Variants in MIA observed in about 807,000 individuals in gnomAD.
The protein encoded by MIA is MIA SH3 domain containing.
A neutral mutation model predicts 18.5 loss-of-function variants in MIA; 18 were observed. That is an observed-to-expected ratio of 0.97 (90% CI 0.67 to 1.44). The LOEUF (loss-of-function observed/expected upper bound fraction) is 1.44. Among genes scored for constraint, MIA ranks in the 40% most tolerant of loss-of-function variants. MIA has a pLI of 0.00. For synonymous variants in MIA, 55 were observed against 64.9 expected, an observed-to-expected ratio of 0.85 and a Z score of 0.74; for missense variants, 158 against 172.4, an observed-to-expected ratio of 0.92 and a Z score of 0.47.
intron 2 of MIA, among the ~76,000 whole-genome samples, chr19:40,776,389 A>G (rs1282048014): frequency 3.9e-5 from 6 of 152,094 alleles, no homozygotes; most frequent in Non-Finnish European, 7.4e-5. Context: ...CTAGACACCA[A>G]GATACAACAA....
At chr19:40,776,928 G>A in intron 2 of MIA, 41 bp from the exon 3 acceptor site, 3 of 1,442,752 alleles carry the variant, frequency 2.1e-6, no homozygotes, top group Non-Finnish European at 2.9e-6. Context: ...GCACAAGCTT[G>A]CCATCTTCCC....
Position 40,777,263 on chromosome 19 carries a change from GC to G in MIA, c.373-133del. 5 of 1,162,332 alleles carry G rather than the reference GC, an allele frequency of 4.3e-6. No homozygotes were observed. The South Asian group carries it at 4.9e-5, about 11-fold the overall frequency. The allele number at this position is 1,162,332 out of a possible 1,614,324, so 72.0% of individuals were successfully genotyped here. ...AGTTGGGAGGTGCAAAGATTAGAGG[GC>G]TCTAGGCTAATTTGCATAGCACTTG... On this transcript the variant is annotated intron_variant, in intron 3 of 3. Coordinates refer to ENST00000263369, the MANE Select transcript of MIA (RefSeq NM_006533.4).
upstream of MIA, chr19:40,775,390 A>G (rs1217182004): frequency 8.5e-7 from 1 of 1,174,418 alleles, no homozygotes; most frequent in Non-Finnish European, 1.2e-6. Flanking sequence ...CTGGTTTCAT[A>G]GCAACTTCTA....
intron 2 of MIA, chr19:40,776,759 T>C: frequency 2.2e-6 from 1 of 451,242 alleles, no homozygotes; most frequent in East Asian, 4.0e-5. Flanking sequence ...ATAATAATAA[T>C]AAAAGCAAAT....
intron 2 of MIA, 118 bp downstream of exon 2, chr19:40,776,003 A>C: frequency 7.5e-7 from 1 of 1,334,408 alleles, no homozygotes; most frequent in Non-Finnish European, 1.0e-6. Context: ...GGATATTGTT[A>C]CTTACTTTAT....
intron 2 of MIA, among the ~76,000 whole-genome samples, chr19:40,776,556 A>G (rs2082998018): frequency 6.6e-6 from 1 of 152,040 alleles, no homozygotes; most frequent in African/African-American, 2.4e-5. Flanking sequence ...CCTGGGCAAC[A>G]TAGCAAGACC....
rs376135784 is a variant in MIA, at chr19:40,777,092, G to C, written c.372+13G>C. ...TGTGAAGACAGACGTGAGTGTCATG[G>C]GGGCTGGCAAGAAATGTGGGGGGAG... is the stretch of plus-strand genomic sequence containing the variant. On this transcript the variant is annotated intron_variant, in intron 3 of 3. Transcript: ENST00000263369. 6.2e-7 allele frequency: 1 copy of C among 1,605,294 alleles called. No individual in the cohort carries two copies.
At chr19:40,775,405 G>C, upstream of MIA, 1 of 1,316,638 alleles carries the variant, frequency 7.6e-7, no homozygotes, top group Non-Finnish European at 1.1e-6. Flanking sequence ...CTTCTAGGTG[G>C]TGTGGGCGAA....
chr19:40,777,289 G>T, intron 3 of MIA, 108 bp from the exon 4 acceptor site: 4 of 1,352,184 alleles, frequency 3.0e-6, no homozygotes, highest in Middle Eastern at 2.1e-4. Context: ...CATAGCACTT[G>T]TGTGGCCAGA....
chr19:40,775,604 G>C lies in MIA; in HGVS notation c.62G>C (p.Gly21Ala). 6.2e-7 allele frequency: 1 copy of C among 1,614,174 alleles called. No individual in the cohort carries two copies. The highest frequency in any genetic ancestry group is 8.5e-7 in the Non-Finnish European group (1 of 1,180,026). ...IILLSAFSGPGVRGGPMPKLA... is the reference protein window; with the variant it reads ...IILLSAFSGPAVRGGPMPKLA... ...TTGCTGTCTGCCTTCTCCGGACCTG[G>C]TGTCAGGGGTGGTCCTATGCCCAAG... Residue 21 changes from glycine to alanine, a missense_variant, in exon 1 of 4, where the codon GGT (glycine) becomes GCT (alanine). Transcript: ENST00000263369.
upstream of MIA, chr19:40,775,310 G>C: frequency 1.7e-6 from 1 of 582,298 alleles, no homozygotes; most frequent in Non-Finnish European, 3.0e-6. Flanking sequence ...TGGGAAAGTT[G>C]TGAGCTGCTT....
In MIA at chr19:40,775,803, G is replaced by A. The variant is rs775191339; in HGVS notation, c.179G>A (p.Arg60Gln). ...ALQDYMAPDC[R>Q]FLTIHRGQVV... ...CAGGACTACATGGCCCCCGACTGCC[G>A]ATTCCTGACCATTCACCGGGGCCAA... The change falls in exon 2 of 4, where the codon CGA becomes CAA. Residue 60 changes from arginine to glutamine, a missense_variant. By Grantham distance (43) the Arg-to-Gln change is conservative. Coordinates refer to ENST00000263369, the MANE Select transcript of MIA (RefSeq NM_006533.4). 75 of 1,613,926 alleles carry A rather than the reference G, an allele frequency of 4.6e-5. No individual in the cohort carries two copies. Among genetic ancestry groups the A allele is most frequent in the Non-Finnish European group, 5.6e-5 (66 of 1,180,020 alleles).
intron 3 of MIA, 31 bp downstream of exon 3, chr19:40,777,110 G>T (rs371537565): frequency 1.2e-4 from 184 of 1,574,682 alleles, no homozygotes; most frequent in Middle Eastern, 2.2e-4. Context: ...CAAGAAATGT[G>T]GGGGGAGGAC....
At chr19:40,777,145 A>T (rs917847891) in intron 3 of MIA, 66 bp downstream of exon 3, 14 of 1,405,450 alleles carry the variant, frequency 1.0e-5, no homozygotes, top group Non-Finnish European at 1.4e-5. Flanking sequence ...GATGGGCAAA[A>T]ATGCTCCCAC....
chr19:40,775,746 C>T lies in MIA; in HGVS notation c.128-6C>T. 1 of 1,614,132 alleles carries T rather than the reference C, an allele frequency of 6.2e-7. No individual in the cohort carries two copies. Among genetic ancestry groups the T allele is most frequent in the South Asian group, 1.1e-5 (1 of 91,080 alleles). On this transcript the variant is annotated splice_region_variant and splice_polypyrimidine_tract_variant and intron_variant, in intron 1 of 3. Transcript: ENST00000263369. Reference sequence around the variant, plus strand: ...GGTGCTGCATTCCCTTCTATTCCTTCCCTAGACCCTATCTCCATGGCTGTG... The same window carrying T: ...GGTGCTGCATTCCCTTCTATTCCTTTCCTAGACCCTATCTCCATGGCTGTG...
rs763926172 is a variant in MIA, at chr19:40,775,812, C to G, written c.188C>G (p.Thr63Ser). The G allele has an allele frequency of 6.2e-7, 1 of 1,614,086 alleles. No homozygotes were observed. ...ATGGCCCCCGACTGCCGATTCCTGACCATTCACCGGGGCCAAGTGGTGTAT... is the reference window on the plus strand; with the variant it reads ...ATGGCCCCCGACTGCCGATTCCTGAGCATTCACCGGGGCCAAGTGGTGTAT... Reference protein sequence around the residue: ...DYMAPDCRFLTIHRGQVVYVF... With the variant: ...DYMAPDCRFLSIHRGQVVYVF... Residue 63 changes from threonine (T) to serine (S), a missense_variant, in exon 2 of 4, where the codon ACC becomes AGC. Thr to Ser is a moderately conservative substitution (Grantham distance 58). Transcript: ENST00000263369.
At chr19:40,777,290 T>C (rs1426964020) in intron 3 of MIA, 107 bp from the exon 4 acceptor site, 2 of 1,358,280 alleles carry the variant, frequency 1.5e-6, no homozygotes, top group African/African-American at 2.9e-5. Context: ...ATAGCACTTG[T>C]GTGGCCAGAC....
rs781024186 is a variant in MIA at position 40,775,522 on chromosome 19, C to T, written c.-21C>T. ...GGAGACCCCAGCACCCCCTTGCTCA[C>T]TCTCTTGCTCACAGTCCACGATGGC... On this transcript the variant is annotated 5_prime_UTR_variant, in exon 1 of 4. Transcript: ENST00000263369. 6 of 1,613,698 alleles carry T rather than the reference C, an allele frequency of 3.7e-6. No homozygotes were observed. The highest frequency in any genetic ancestry group is 4.5e-5 in the East Asian group (2 of 44,894).
intron 2 of MIA, among the ~76,000 whole-genome samples, chr19:40,776,354 A>G (rs2145029276): frequency 6.6e-6 from 1 of 152,172 alleles, no homozygotes; most frequent in South Asian, 2.1e-4. Context: ...CAATTTTAGG[A>G]CCTGATATGG....
Sources: gnomAD v4.1 joint callset for allele counts (sites outside exome capture counted in the v4.1 genomes callset) on GRCh38, gnomAD v4.1.1 for gene constraint, MANE v1.5 for transcripts, NCBI Gene and HGNC (gene_info 2026-07-23, HGNC 2026-07-21) for gene names.